The following CCDC144A variants were observed in gnomAD, a reference collection of about 807,000 sequenced individuals.
The protein encoded by CCDC144A is coiled-coil domain containing 144A.
Under a neutral mutation model 143.8 loss-of-function variants are expected in CCDC144A, and 41 were observed. The ratio of observed to expected loss-of-function variants is 0.29; its 90% CI spans 0.22 to 0.37. CCDC144A has a LOEUF of 0.37. Ranked by LOEUF, CCDC144A falls within the 10% of genes least tolerant of loss-of-function variation. CCDC144A has a pLI of 1.00. For missense variants in CCDC144A, 637 were observed against 1,488.8 expected, an observed-to-expected ratio of 0.43 and a Z score of 9.41; for synonymous variants, 242 against 517.9, an observed-to-expected ratio of 0.47 and a Z score of 7.23.
Position 16,777,018 on chromosome 17 carries a change from C to T in CCDC144A, c.*3385C>T, listed in dbSNP as rs1445814130. 1 of 139,258 alleles carries T rather than the reference C, an allele frequency of 7.2e-6. No individual in the cohort carries two copies. Among genetic ancestry groups the T allele is most frequent in the Non-Finnish European group, 1.5e-5 (1 of 65,550 alleles). The allele number at this position is 139,258 out of a possible 1,614,324, so 8.6% of individuals were successfully genotyped here. On this transcript the variant is annotated 3_prime_UTR_variant, in exon 17 of 17. Coordinates refer to ENST00000399273, the MANE Select transcript of CCDC144A (RefSeq NM_001382000.1). Reference sequence around the variant, plus strand: ...TAAGGCAAAGGGTTGGAAAAAGACACTTCGTCTAAATGGACACATCAAAAG... The same window carrying T: ...TAAGGCAAAGGGTTGGAAAAAGACATTTCGTCTAAATGGACACATCAAAAG...
In CCDC144A at chr17:16,709,623, A is replaced by G. The variant is rs1225306690; in HGVS notation, c.1566A>G (p.Gln522=). The G allele has an allele frequency of 1.2e-6, 2 of 1,611,360 alleles. No individual in the cohort carries two copies. Among genetic ancestry groups the G allele is most frequent in the African/African-American group, 1.3e-5 (1 of 74,864 alleles). ...EFLALKKEDV[Q]LHKDVEEEME... Reference sequence around the variant, plus strand: ...TGGCTTTGAAGAAAGAAGATGTTCAACTTCATAAAGATGTAGGGTTTTACT... The same window carrying G: ...TGGCTTTGAAGAAAGAAGATGTTCAGCTTCATAAAGATGTAGGGTTTTACT... The change falls in exon 5 of 17, where the codon CAA becomes CAG. Residue 522 remains glutamine, a synonymous_variant. Transcript: ENST00000399273.
chr17:16,753,994 T>C, intron 12 of CCDC144A, among the ~76,000 whole-genome samples: 1 of 152,266 alleles, frequency 6.6e-6, no homozygotes, highest in Non-Finnish European at 1.5e-5. Context: ...ACTTTATTAC[T>C]GATTCAATTA....
At position 16,708,959 on chromosome 17, in the gene CCDC144A, GGTTTGGTGAAATTTATGAAAAATACA is replaced by G; in HGVS notation, c.903_928del (p.Phe302AsnfsTer6). On this transcript the variant is annotated frameshift_variant, in exon 5 of 17. Coordinates refer to ENST00000399273, the MANE Select transcript of CCDC144A (RefSeq NM_001382000.1). LOFTEE classifies it high-confidence loss of function. ...CTCGTCATAAATGAGTTAAAGCAGA[GGTTTGGTGAAATTTATGAAAAATACA>G]AAATTCCGGCTTGTCCTGAGGAAGA... The G allele has an allele frequency of 6.2e-7, 1 of 1,611,572 alleles. No homozygotes were observed. The highest frequency in any genetic ancestry group is 1.1e-5 in the South Asian group (1 of 90,940).
chr17:16,768,309 T>C (rs746481704), intron 15 of CCDC144A, among the ~76,000 whole-genome samples: 13 of 152,334 alleles, frequency 8.5e-5, no homozygotes, highest in Non-Finnish European at 1.5e-4. Context: ...AAAACTTGTT[T>C]AATACCAAAC....
chr17:16,710,298 T>C (rs1007447627), intron 5 of CCDC144A: 3 of 148,226 alleles, frequency 2.0e-5, no homozygotes, highest in African/African-American at 7.6e-5. Context: ...TGATCAGTAG[T>C]GGGGTCGTGC....
chr17:16,683,846 G>C, the CCDC144A span: 1 of 1,395,594 alleles, frequency 7.2e-7, no homozygotes, highest in Non-Finnish European at 1.0e-6. Flanking sequence ...AGTTAGCAGA[G>C]ACACGTTTTC....
At chr17:16,668,121 A>G in the CCDC144A span, among the ~76,000 whole-genome samples, 2 of 147,306 alleles carry the variant, frequency 1.4e-5, no homozygotes, top group Non-Finnish European at 3.0e-5. Flanking sequence ...ATTAGTTTAA[A>G]GTAGGAATTT....
chr17:16,769,763 T>A (rs1485493412), intron 15 of CCDC144A, among the ~76,000 whole-genome samples: 1 of 151,960 alleles, frequency 6.6e-6, no homozygotes, highest in African/African-American at 2.4e-5. Flanking sequence ...GAGCTACTAT[T>A]TTTTGTCTCA....
the CCDC144A span, among the ~76,000 whole-genome samples, chr17:16,669,770 A>T: frequency 6.6e-6 from 1 of 152,248 alleles, no homozygotes. Context: ...GAAGCCTCAC[A>T]TGTAACCCCA....
chr17:16,695,205 T>C (rs1346713768), intron 2 of CCDC144A: 1 of 152,244 alleles, frequency 6.6e-6, no homozygotes, highest in Non-Finnish European at 1.5e-5. Flanking sequence ...AAGGAAATCA[T>C]TTATTCATTT....
intron 12 of CCDC144A, among the ~76,000 whole-genome samples, chr17:16,759,746 C>T (rs1317504380): frequency 6.6e-6 from 1 of 152,234 alleles, no homozygotes; most frequent in Non-Finnish European, 1.5e-5. Flanking sequence ...GGTAATCCTA[C>T]ATGTTTTAGT....
chr17:16,753,356 T>C (rs1432307335), intron 12 of CCDC144A, among the ~76,000 whole-genome samples: 8 of 151,946 alleles, frequency 5.3e-5, no homozygotes, highest in African/African-American at 1.7e-4. Flanking sequence ...TAACCAATAT[T>C]CTTCCAGTCC....
chr17:16,686,786 A>AC (rs1491311978), upstream of CCDC144A, among the ~76,000 whole-genome samples: 1 of 150,012 alleles, frequency 6.7e-6, no homozygotes, highest in Non-Finnish European at 1.5e-5. Flanking sequence ...ACACACACAC[A>AC]AAGAAAAGAA....
chr17:16,677,062 C>T, the CCDC144A span, among the ~76,000 whole-genome samples: 3 of 151,988 alleles, frequency 2.0e-5, no homozygotes, highest in East Asian at 1.9e-4. Context: ...ACATGTGGTC[C>T]GAGGTTACAA....
chr17:16,723,790 A>G (rs1913231347), intron 8 of CCDC144A, among the ~76,000 whole-genome samples: 1 of 152,216 alleles, frequency 6.6e-6, no homozygotes, highest in African/African-American at 2.4e-5. Context: ...CACCTCTGTG[A>G]TTAAGTTTCA....
At chr17:16,675,413 T>A in the CCDC144A span, among the ~76,000 whole-genome samples, 1 of 151,862 alleles carries the variant, frequency 6.6e-6, no homozygotes, top group East Asian at 1.9e-4. Context: ...TCTTTTTTTT[T>A]ATTCCTGAAA....
chr17:16,762,119 A>G (rs1201411255), intron 13 of CCDC144A, among the ~76,000 whole-genome samples, 194 bp from the exon 14 acceptor site: 2 of 152,248 alleles, frequency 1.3e-5, no homozygotes, highest in Non-Finnish European at 2.9e-5. Flanking sequence ...TCAGTTATTA[A>G]TTCAGTTGGT....
chr17:16,703,798 A>G (rs1197375115), intron 2 of CCDC144A, among the ~76,000 whole-genome samples: 1 of 152,018 alleles, frequency 6.6e-6, no homozygotes, highest in African/African-American at 2.4e-5. Context: ...GTGAGACTCC[A>G]TCTCAAAAAA....
chr17:16,751,985 T>C (rs1382839121), intron 12 of CCDC144A, among the ~76,000 whole-genome samples: 1 of 152,222 alleles, frequency 6.6e-6, no homozygotes, highest in Non-Finnish European at 1.5e-5. Flanking sequence ...TTTCAGGCAG[T>C]GGTGCTCCCT....
Sources: gnomAD v4.1 joint callset for allele counts (sites outside exome capture counted in the v4.1 genomes callset) on GRCh38, gnomAD v4.1.1 for gene constraint, MANE v1.5 for transcripts, NCBI Gene and HGNC (gene_info 2026-07-23, HGNC 2026-07-21) for gene names.